MAP3K19: variants seen among roughly 807,000 people sequenced by gnomAD.
The protein encoded by MAP3K19 is SPS1/STE20-related protein kinase YSK4.
In MAP3K19, 91 loss-of-function variants were observed where a neutral mutation model predicts 114.4. That is an observed-to-expected ratio of 0.80 (90% CI 0.67 to 0.95). The LOEUF (loss-of-function observed/expected upper bound fraction) is 0.95, where lower values mean the gene tolerates loss of function less well. MAP3K19 is among the 40% of genes least tolerant of loss of function. The pLI, the probability that MAP3K19 is intolerant of heterozygous loss-of-function variation, is 0.00. For synonymous variants in MAP3K19, 518 were observed against 530.5 expected, an observed-to-expected ratio of 0.98 and a Z score of 0.32; for missense variants, 1,471 against 1,573.2, an observed-to-expected ratio of 0.94 and a Z score of 1.10.
chr2:134,983,267 C>T (rs1202954966), intron 11 of MAP3K19: 3 of 536,360 alleles, frequency 5.6e-6, no homozygotes, highest in Non-Finnish European at 1.1e-5. Context: ...AGTAATGATT[C>T]TCCAAACTTC....
chr2:134,997,517 T>C (rs533960015), intron 8 of MAP3K19, among the ~76,000 whole-genome samples: 16 of 152,072 alleles, frequency 1.1e-4, no homozygotes, highest in Admixed American at 4.6e-4. Context: ...CATTTTAGCA[T>C]AATAAAACAA....
chr2:134,992,565 T>C lies in MAP3K19; in HGVS notation c.575-985A>G, dbSNP rs547307706. 2.0e-5 allele frequency among the ~76,000 whole-genome samples: 3 copies of C among 152,260 alleles called. No homozygotes were observed. The South Asian group carries it at 6.2e-4, about 32-fold the overall frequency. On this transcript the variant is annotated intron_variant, in intron 8 of 12. Transcript: ENST00000392915. ...AGGAAGACACAGCAGTAAATCGAGA[T>C]CATATGCCCAACTAAAGGGGCATCA...
At position 135,000,032 on chromosome 2, in the gene MAP3K19, C is replaced by G; in HGVS notation, c.236-17G>C. On this transcript the variant is annotated splice_polypyrimidine_tract_variant and intron_variant, in intron 6 of 12. Coordinates refer to ENST00000392915, the MANE Select transcript of MAP3K19 (RefSeq NM_025052.5). The stretch of plus-strand genomic sequence containing the variant: ...TCTCAACACCTGTAGAAACATACCA[C>G]AGTAGTAGAAGGAAGAAAGTAATGA... The G allele has an allele frequency of 6.5e-7, 1 of 1,532,754 alleles. No homozygotes were observed. The highest frequency in any genetic ancestry group is 9.0e-7 in the Non-Finnish European group (1 of 1,106,354). The allele number at this position is 1,532,754 out of a possible 1,614,324, so 94.9% of individuals were successfully genotyped here. A position where few individuals can be genotyped will look rare whatever the true frequency, so the allele number is the denominator to read the frequency against.
chr2:135,021,013 A>G (rs981530657), intron 5 of MAP3K19, among the ~76,000 whole-genome samples: 1 of 152,206 alleles, frequency 6.6e-6, no homozygotes, highest in African/African-American at 2.4e-5. Context: ...TAATGTACAT[A>G]AAAAGGAAGG....
chr2:134,983,553 A>T, intron 11 of MAP3K19, 123 bp downstream of exon 11: 1 of 659,566 alleles, frequency 1.5e-6, no homozygotes. Flanking sequence ...CAACTGAAAG[A>T]GTTCTAAGTA....
At chr2:135,032,359 A>AG (rs1688402579) in intron 2 of MAP3K19, among the ~76,000 whole-genome samples, 3 of 131,702 alleles carry the variant, frequency 2.3e-5, no homozygotes, top group Non-Finnish European at 4.6e-5. Context: ...TCTGTCTGAA[A>AG]AAAAAAAAAA....
Position 134,999,857 on chromosome 2 carries a change from A to T in MAP3K19, c.314+80T>A. 1 of 908,610 alleles carries T rather than the reference A, an allele frequency of 1.1e-6. No homozygotes were observed. Among genetic ancestry groups the T allele is most frequent in the Non-Finnish European group, 1.8e-6 (1 of 547,854 alleles). The allele number at this position is 908,610 out of a possible 1,614,324, so 56.3% of individuals were successfully genotyped here. A position where few individuals can be genotyped will look rare whatever the true frequency, so the allele number is the denominator to read the frequency against. On this transcript the variant is annotated intron_variant, in intron 7 of 12. Transcript: ENST00000392915. This position sits in a 1 kb window ranked among gnomAD's most constrained non-coding sequence, Gnocchi z 4.1. ...TTTAAGCATTATTATGGATTCAATT[A>T]CTAATAATGTAGGTTGCCATATGAC...
intron 12 of MAP3K19, among the ~76,000 whole-genome samples, chr2:134,973,738 C>A (rs1684031252): frequency 6.6e-6 from 1 of 151,962 alleles, no homozygotes; most frequent in Non-Finnish European, 1.5e-5. Context: ...ACGTTTGAGT[C>A]CTTTCTCTAC....
Position 134,986,188 on chromosome 2 carries a change from C to G in MAP3K19, c.2684G>C (p.Ser895Thr). The G allele has an allele frequency of 6.2e-7, 1 of 1,613,688 alleles. No individual in the cohort carries two copies. The highest frequency in any genetic ancestry group is 1.1e-5 in the South Asian group (1 of 90,856). Residue 895 changes from serine (S) to threonine (T), a missense_variant, in exon 10 of 13, where the codon AGT (serine) becomes ACT (threonine). Coordinates refer to ENST00000392915, the MANE Select transcript of MAP3K19 (RefSeq NM_025052.5). ...AAGTGTTTTAGAGTGATCTGAAACA[C>G]TATCAAACTCTAGATCATTAGTTAA... is the stretch of plus-strand genomic sequence containing the variant. The part of the protein sequence containing the change: ...RILTNDLEFD[S>T]VSDHSKTLTN...
chr2:135,021,879 A>T, intron 4 of MAP3K19, 49 bp from the exon 5 acceptor site: 1 of 1,194,522 alleles, frequency 8.4e-7, no homozygotes, highest in Non-Finnish European at 1.2e-6. Context: ...CATCTCCAGC[A>T]ATTTCAAAAG....
chr2:134,965,541 G>T (rs990666173), intron 12 of MAP3K19, among the ~76,000 whole-genome samples: 2 of 152,112 alleles, frequency 1.3e-5, no homozygotes, highest in Non-Finnish European at 2.9e-5. Context: ...TAATGAAATA[G>T]TCAATGATTA....
At chr2:134,997,515 C>A (rs566693815) in intron 8 of MAP3K19, among the ~76,000 whole-genome samples, 1 of 151,984 alleles carries the variant, frequency 6.6e-6, no homozygotes, top group Non-Finnish European at 1.5e-5. Flanking sequence ...CACATTTTAG[C>A]ATAATAAAAC....
Position 134,996,893 on chromosome 2 carries a change from A to G in MAP3K19, c.574+1845T>C, listed in dbSNP as rs568264017. Among the ~76,000 whole-genome samples the G allele has an allele frequency of 3.3e-5, 5 of 152,062 alleles. No individual in the cohort carries two copies. In the South Asian group the frequency reaches 1.0e-3, roughly 32 times the overall value. ...GTACCAAAAAACAAACAAACAAACA[A>G]ACAAAACTAGCCAGGCGTGGTGGCA... On this transcript the variant is annotated intron_variant, in intron 8 of 12. Coordinates refer to ENST00000392915, the MANE Select transcript of MAP3K19 (RefSeq NM_025052.5).
intron 3 of MAP3K19, 36 bp from the exon 4 acceptor site, chr2:135,024,777 G>T: frequency 1.4e-6 from 1 of 723,152 alleles, no homozygotes; most frequent in Non-Finnish European, 2.3e-6. Context: ...AGTTTATTTA[G>T]TTGAATCTGT....
chr2:134,988,199 G>A lies in MAP3K19; in HGVS notation c.673C>T (p.Pro225Ser), dbSNP rs552836226. The A allele has an allele frequency of 6.2e-7, 1 of 1,609,362 alleles. No homozygotes were observed. The highest frequency in any genetic ancestry group is 1.1e-5 in the South Asian group (1 of 90,310). ...LPTRSGVLTI[P>S]QNHKFPKEKE... is the part of the protein sequence containing the mutation. ...TCTTTTGGAAACTTGTGATTTTGGGGGATAGTAAGGACACCAGATCGCGTG... is the reference window on the plus strand; with the variant it reads ...TCTTTTGGAAACTTGTGATTTTGGGAGATAGTAAGGACACCAGATCGCGTG... Residue 225 changes from proline to serine, a missense_variant, in exon 10 of 13, where the codon CCC becomes TCC. Pro to Ser is a moderately conservative substitution (Grantham distance 74, BLOSUM62 -1). Coordinates refer to ENST00000392915, the MANE Select transcript of MAP3K19 (RefSeq NM_025052.5).
chr2:134,987,968 G>A lies in MAP3K19; in HGVS notation c.904C>T (p.Leu302=), dbSNP rs1573955005. 1 of 1,614,148 alleles carries A rather than the reference G, an allele frequency of 6.2e-7. No individual in the cohort carries two copies. Among genetic ancestry groups the A allele is most frequent in the East Asian group, 2.2e-5 (1 of 44,868 alleles). Residue 302 remains leucine, a synonymous_variant, in exon 10 of 13, where the codon CTG becomes TTG. Transcript: ENST00000392915. ...GATTTCCAGTTTTCCTCCTTCTCCA[G>A]GCATTGCCTGTGATGGTTAGTCTTA... ...FPKTNHHRQC[L]EKEENWKSKE...
chr2:135,014,438 T>A (rs893353894), intron 5 of MAP3K19, among the ~76,000 whole-genome samples: 2 of 152,020 alleles, frequency 1.3e-5, no homozygotes, highest in Non-Finnish European at 2.9e-5. Flanking sequence ...TATCCTCCCA[T>A]CTCAGCCTCC....
In MAP3K19 at chr2:134,998,941, T is replaced by C; in HGVS notation, c.371A>G (p.Asn124Ser). 1 of 1,614,204 alleles carries C rather than the reference T, an allele frequency of 6.2e-7. No individual in the cohort carries two copies. The highest frequency in any genetic ancestry group is 8.5e-7 in the Non-Finnish European group (1 of 1,180,018). Residue 124 changes from asparagine to serine, a missense_variant, in exon 8 of 13, where the codon AAT becomes AGT. Asn to Ser is a conservative substitution (Grantham distance 46, BLOSUM62 1). Coordinates refer to ENST00000392915, the MANE Select transcript of MAP3K19 (RefSeq NM_025052.5). ...WAQAHAVSHP[N>S]EIETVELRKK... ...CCTGAGCTCCACCGTTTCTATTTCA[T>C]TTGGATGAGAAACTGCATGTGCTTG...
At chr2:134,978,067 T>C (rs193162325) in intron 12 of MAP3K19, among the ~76,000 whole-genome samples, 147 of 152,296 alleles carry the variant, frequency 9.7e-4, no homozygotes, top group African/African-American at 3.4e-3. Flanking sequence ...CTCCCTTCCC[T>C]TCTCCAGTTA....
Sources: gnomAD v4.1 joint callset for allele counts (sites outside exome capture counted in the v4.1 genomes callset) on GRCh38, gnomAD v4.1.1 for gene constraint, Gnocchi (gnomAD v3.1) non-coding constraint, MANE v1.5 for transcripts, NCBI Gene and HGNC (gene_info 2026-07-23, HGNC 2026-07-21) for gene names.